SLC39A11: variants seen among roughly 807,000 people sequenced by gnomAD.
SLC39A11 encodes zinc transporter ZIP11.
SLC39A11 carries 33 observed loss-of-function variants against 36.1 expected under a neutral mutation model. The ratio of observed to expected loss-of-function variants is 0.91; its 90% CI spans 0.69 to 1.22. The LOEUF (loss-of-function observed/expected upper bound fraction) is 1.22. SLC39A11 is among the 50% of genes most tolerant of loss of function. The probability of loss-of-function intolerance (pLI) is 0.00; values close to 1 mark genes in which losing one functional copy is unlikely to be tolerated. For synonymous variants in SLC39A11, 166 were observed against 170.3 expected (o/e 0.97, Z 0.20); for missense variants, 432 against 430.3 (o/e 1.00, Z -0.03).
intron 6 of SLC39A11, among the ~76,000 whole-genome samples, chr17:72,740,293 C>G (rs1263269141): frequency 6.6e-6 from 1 of 152,018 alleles, no homozygotes; most frequent in Non-Finnish European, 1.5e-5. Flanking sequence ...TCTTGATCTC[C>G]TGACCTCGTG....
chr17:73,050,745 G>A (rs1395010779), intron 3 of SLC39A11, among the ~76,000 whole-genome samples: 1 of 152,150 alleles, frequency 6.6e-6, no homozygotes, highest in Non-Finnish European at 1.5e-5. Context: ...GATTACAGGC[G>A]TGAGCCACCA....
intron 6 of SLC39A11, among the ~76,000 whole-genome samples, chr17:72,819,908 C>G (rs528607013): frequency 6.6e-6 from 1 of 151,362 alleles, no homozygotes; most frequent in East Asian, 1.9e-4. Context: ...ACCACCTGTG[C>G]TCCTCTGTGC....
chr17:72,701,600 T>C (rs1254596590), intron 7 of SLC39A11, among the ~76,000 whole-genome samples: 2 of 151,544 alleles, frequency 1.3e-5, no homozygotes, highest in African/African-American at 4.8e-5. Context: ...TGGTGGTGCA[T>C]GCCTGTAGTC....
Position 73,027,565 on chromosome 17 carries a change from T to C in SLC39A11, c.306+3991A>G, listed in dbSNP as rs552581933. 2.0e-5 allele frequency among the ~76,000 whole-genome samples: 3 copies of C among 152,372 alleles called. No homozygotes were observed. The East Asian group carries it at 5.8e-4, about 29-fold the overall frequency. ...TAACAAAGCCACAACGGCTTCATCC[T>C]GACAGGCTCTTCTGAGTAATGCCCT... On this transcript the variant is annotated intron_variant, in intron 4 of 9. Coordinates refer to ENST00000255559, the MANE Select transcript of SLC39A11 (RefSeq NM_139177.4).
intron 3 of SLC39A11, among the ~76,000 whole-genome samples, chr17:73,062,871 G>A (rs143471388): frequency 5.9e-5 from 9 of 152,300 alleles, no homozygotes; most frequent in East Asian, 1.9e-4. Flanking sequence ...GCTCCTGTGA[G>A]AATCTAATTC....
At chr17:72,907,135 C>T (rs1271940784) in intron 5 of SLC39A11, among the ~76,000 whole-genome samples, 1 of 152,208 alleles carries the variant, frequency 6.6e-6, no homozygotes, top group African/African-American at 2.4e-5. Context: ...CACAGCGAGT[C>T]CCTCCTGCTC....
At chr17:72,686,850 A>G (rs2071775670) in intron 7 of SLC39A11, among the ~76,000 whole-genome samples, 1 of 152,186 alleles carries the variant, frequency 6.6e-6, no homozygotes, top group East Asian at 1.9e-4. Context: ...AGGTCATTTA[A>G]TCCATCCCTC....
At chr17:72,658,176 G>T (rs1220791368) in intron 7 of SLC39A11, among the ~76,000 whole-genome samples, 1 of 151,458 alleles carries the variant, frequency 6.6e-6, no homozygotes, top group African/African-American at 2.4e-5. Flanking sequence ...GAAGATGGAG[G>T]GGGGCTGGGC....
chr17:72,686,593 C>A (rs1382050075), intron 7 of SLC39A11, among the ~76,000 whole-genome samples: 2 of 151,782 alleles, frequency 1.3e-5, no homozygotes, highest in African/African-American at 4.8e-5. Context: ...AGTGAGGGGG[C>A]TGAGTCTCAG....
chr17:72,936,412 A>T (rs1184095115), intron 5 of SLC39A11, among the ~76,000 whole-genome samples: 3 of 1,040 alleles, frequency 2.9e-3, no homozygotes, highest in African/African-American at 7.7e-3. Flanking sequence ...GAAAAAAAGT[A>T]AAAAAAAAAA....
At chr17:72,703,180 G>A (rs1325609420) in intron 7 of SLC39A11, among the ~76,000 whole-genome samples, 1 of 152,024 alleles carries the variant, frequency 6.6e-6, no homozygotes, top group East Asian at 1.9e-4. Flanking sequence ...ATCAGGAGTG[G>A]ATCCCTTCCA....
chr17:72,976,689 A>C (rs147097728), intron 4 of SLC39A11, among the ~76,000 whole-genome samples: 9,700 of 152,144 alleles, frequency 0.064, 342 homozygotes, highest in African/African-American at 0.076. Context: ...ATCTCTACTA[A>C]AAATACAAAA....
intron 5 of SLC39A11, among the ~76,000 whole-genome samples, chr17:72,931,778 C>T (rs115198481): frequency 1.1e-3 from 161 of 152,332 alleles, no homozygotes; most frequent in African/African-American, 3.7e-3. Flanking sequence ...TGACAGGGAG[C>T]TCAGCCCACT....
intron 3 of SLC39A11, among the ~76,000 whole-genome samples, chr17:73,041,911 G>C (rs1299898576): frequency 6.6e-6 from 1 of 152,116 alleles, no homozygotes; most frequent in Non-Finnish European, 1.5e-5. Flanking sequence ...CTCATAATCC[G>C]ATCTCTTTTC....
rs113350744 is a variant in SLC39A11 at position 72,940,591 on chromosome 17, G to A, written c.430+7161C>T. Among the ~76,000 whole-genome samples, 1,427 of 152,124 alleles carry A rather than the reference G, an allele frequency of 9.4e-3. 22 individuals carry two copies. The highest frequency in any genetic ancestry group is 0.032 in the African/African-American group (1,341 of 41,508). ...GCGCCCGGCCCTGACTTTCTTTCTC[G>A]CTGCACTCTTTGAGTAACTTTTCAA... On this transcript the variant is annotated intron_variant, in intron 5 of 9. Coordinates refer to ENST00000255559, the MANE Select transcript of SLC39A11 (RefSeq NM_139177.4).
chr17:72,800,221 C>G (rs1414345514), intron 6 of SLC39A11, among the ~76,000 whole-genome samples: 1 of 151,720 alleles, frequency 6.6e-6, no homozygotes, highest in East Asian at 1.9e-4. Context: ...AAAGTGGAAG[C>G]CATAGGTGGA....
At chr17:72,663,621 C>T (rs963643911) in intron 7 of SLC39A11, among the ~76,000 whole-genome samples, 6 of 152,134 alleles carry the variant, frequency 3.9e-5, no homozygotes, top group Non-Finnish European at 7.3e-5. Context: ...AGAAGAGGAT[C>T]GCCTGGGGGT....
intron 5 of SLC39A11, among the ~76,000 whole-genome samples, chr17:72,921,310 G>C (rs2083657479): frequency 6.6e-6 from 1 of 152,144 alleles, no homozygotes; most frequent in Non-Finnish European, 1.5e-5. Flanking sequence ...CTTCCACGGG[G>C]GGATCAACTG....
At chr17:72,651,843 C>A (rs1033143401) in intron 7 of SLC39A11, among the ~76,000 whole-genome samples, 1 of 152,186 alleles carries the variant, frequency 6.6e-6, no homozygotes, top group Admixed American at 6.5e-5. Context: ...CAAGAAGACA[C>A]CCCACCACAC....
Sources: allele counts gnomAD v4.1 joint callset (sites outside exome capture counted in the v4.1 genomes callset), GRCh38; gene constraint gnomAD v4.1.1; transcripts MANE v1.5; gene names NCBI Gene and HGNC (gene_info 2026-07-23, HGNC 2026-07-21).